DPP6: variants seen among roughly 807,000 people sequenced by gnomAD.
DPP6 encodes A-type potassium channel modulatory protein DPP6.
A neutral mutation model predicts 122.6 loss-of-function variants in DPP6; 69 were observed. That is an observed-to-expected ratio of 0.56 (90% CI 0.46 to 0.69). The LOEUF (loss-of-function observed/expected upper bound fraction) is 0.69. Among genes scored for constraint, DPP6 ranks in the 30% least tolerant of loss-of-function variants. The pLI, the probability that DPP6 is intolerant of heterozygous loss-of-function variation, is 0.00. For missense variants in DPP6, 928 were observed against 1,116.9 expected, an observed-to-expected ratio of 0.83 and a Z score of 2.41; for synonymous variants, 418 against 433.1, an observed-to-expected ratio of 0.97 and a Z score of 0.43.
At chr7:153,934,362 G>A (rs528453306) in intron 1 of DPP6, among the ~76,000 whole-genome samples, 27 of 151,990 alleles carry the variant, frequency 1.8e-4, no homozygotes, top group African/African-American at 6.0e-4. Flanking sequence ...CATCAAGGCT[G>A]TTCTTGTTTA....
At chr7:154,467,025 A>G (rs1821845378) in intron 2 of DPP6, among the ~76,000 whole-genome samples, 1 of 152,218 alleles carries the variant, frequency 6.6e-6, no homozygotes, top group South Asian at 2.1e-4. Flanking sequence ...TAAACACAGT[A>G]GTGGGACGGG....
rs756517831 is a variant in DPP6, at chr7:154,821,653, T to TACAC, written c.1666+14542_1666+14543insCACA. On this transcript the variant is annotated intron_variant, in intron 16 of 25. Transcript: ENST00000377770. This position sits in a 1 kb window ranked among gnomAD's most constrained non-coding sequence, Gnocchi z 4.2. Reference sequence around the variant, plus strand: ...GTATATATATATATATATACACATATATATATATATACACATATATATATA... The same window carrying TACAC: ...GTATATATATATATATATACACATATACACATATATATATACACATATATATATA... 0.4 allele frequency among the ~76,000 whole-genome samples: 43,260 copies of TACAC among 106,830 alleles called. 7,631 individuals carry two copies. The highest frequency in any genetic ancestry group is 0.51 in the Admixed American group (5,950 of 11,672). The allele number at this position is 106,830 out of a possible 152,430, so 70.1% of individuals were successfully genotyped here.
chr7:153,845,244 G>A, the DPP6 span, among the ~76,000 whole-genome samples: 2 of 152,010 alleles, frequency 1.3e-5, no homozygotes, highest in African/African-American at 4.8e-5. Context: ...AATAATTATA[G>A]TAGTTTTTTC....
rs1799842551 is a variant in DPP6 at position 154,043,081 on chromosome 7, A to G, written c.51+155347A>G. Among the ~76,000 whole-genome samples the G allele has an allele frequency of 3.3e-5, 5 of 152,212 alleles. No individual in the cohort carries two copies. The South Asian group carries it at 1.0e-3, about 32-fold the overall frequency. ...GGTGGACTTAATAAAATGTAGATAT[A>G]ATCAGTAGATTAAAAGTGAGTACTG... On this transcript the variant is annotated intron_variant, in intron 1 of 25. Coordinates refer to the DPP6 transcript ENST00000404039.
intron 5 of DPP6, among the ~76,000 whole-genome samples, chr7:154,615,399 A>G (rs1834174119): frequency 6.6e-6 from 1 of 152,168 alleles, no homozygotes; most frequent in Non-Finnish European, 1.5e-5. Context: ...GTTTTTATTC[A>G]CCGTACAATA....
chr7:154,783,689 C>G (rs1299964269), intron 10 of DPP6, among the ~76,000 whole-genome samples: 1 of 152,222 alleles, frequency 6.6e-6, no homozygotes, highest in African/African-American at 2.4e-5. Flanking sequence ...CCTCGAGAGA[C>G]AGTCTTACTC....
At chr7:154,423,010 T>C (rs1466163449) in intron 1 of DPP6, among the ~76,000 whole-genome samples, 1 of 152,202 alleles carries the variant, frequency 6.6e-6, no homozygotes, top group Non-Finnish European at 1.5e-5. Context: ...CTGATGGTTC[T>C]CGGCTTGTTG....
chr7:154,766,854 C>T (rs1481949925), intron 8 of DPP6, among the ~76,000 whole-genome samples: 3 of 152,142 alleles, frequency 2.0e-5, no homozygotes, highest in South Asian at 2.1e-4. Flanking sequence ...GGTCAGAGAG[C>T]GAGTCTAGAA....
At chr7:154,082,858 T>C (rs1301761019) in intron 1 of DPP6, among the ~76,000 whole-genome samples, 1 of 144,190 alleles carries the variant, frequency 6.9e-6, no homozygotes, top group African/African-American at 2.6e-5. Context: ...TTTTTTTTTT[T>C]TTTTTTTTGA....
In DPP6 at chr7:154,794,311, C is replaced by G. The variant is rs558937533; in HGVS notation, c.1260+109C>G. On this transcript the variant is annotated intron_variant, in intron 11 of 25. Transcript: ENST00000377770. The stretch of plus-strand genomic sequence containing the variant: ...GCCCTCGGGCCTGGGACTTGGGGAC[C>G]GGCCGCCCAGCTGCTGCGGGGAGCC... The G allele has an allele frequency of 8.8e-6, 12 of 1,371,318 alleles. No individual in the cohort carries two copies. The African/African-American group carries it at 1.4e-4, about 15-fold the overall frequency. 84.9% of individuals were successfully genotyped at this position (1,371,318 alleles called of 1,614,324 possible).
intron 8 of DPP6, among the ~76,000 whole-genome samples, chr7:154,731,388 T>A (rs1170597297): frequency 1.3e-5 from 2 of 152,202 alleles, no homozygotes; most frequent in African/African-American, 4.8e-5. Context: ...ATACTAAACA[T>A]TGCAAAATAT....
intron 8 of DPP6, among the ~76,000 whole-genome samples, chr7:154,737,449 T>C (rs976549957): frequency 6.6e-6 from 1 of 152,244 alleles, no homozygotes; most frequent in Non-Finnish European, 1.5e-5. Flanking sequence ...ATAGTTGATA[T>C]GCTGTATTTT....
intron 6 of DPP6, among the ~76,000 whole-genome samples, chr7:154,651,845 C>T (rs1335358962): frequency 1.3e-5 from 2 of 152,154 alleles, no homozygotes; most frequent in African/African-American, 4.8e-5. Context: ...CCCACAGCCC[C>T]AGGATGCTGG....
chr7:154,848,379 T>C (rs569221897), intron 16 of DPP6, among the ~76,000 whole-genome samples: 1 of 152,334 alleles, frequency 6.6e-6, no homozygotes, highest in East Asian at 1.9e-4. Context: ...AGGTGTGAGA[T>C]GATATCTTAT....
At chr7:154,715,109 C>G (rs989090910) in intron 7 of DPP6, among the ~76,000 whole-genome samples, 4 of 151,510 alleles carry the variant, frequency 2.6e-5, no homozygotes, top group African/African-American at 9.7e-5. Context: ...TCTTGTTGCC[C>G]AGGCTGGAGT....
chr7:154,876,385 G>A (rs1044433431), intron 20 of DPP6: 8 of 395,264 alleles, frequency 2.0e-5, no homozygotes, highest in South Asian at 2.0e-4. Context: ...GCTTTTCTGC[G>A]CTGTGGTCAC....
intron 7 of DPP6, among the ~76,000 whole-genome samples, chr7:154,720,960 G>A (rs898519169): frequency 4.6e-5 from 7 of 152,310 alleles, no homozygotes; most frequent in Admixed American, 1.3e-4. Flanking sequence ...AGCTGCTGAC[G>A]CAGCTGCCAT....
chr7:153,833,078 T>C, the DPP6 span, among the ~76,000 whole-genome samples: 3 of 152,244 alleles, frequency 2.0e-5, no homozygotes, highest in Non-Finnish European at 4.4e-5. Context: ...TTTAGAGATT[T>C]GGGCTACATG....
chr7:154,488,582 C>G (rs1234574680), intron 3 of DPP6, among the ~76,000 whole-genome samples: 1 of 151,750 alleles, frequency 6.6e-6, no homozygotes, highest in African/African-American at 2.4e-5. Context: ...TAGATGTGTT[C>G]TCCATCGTAA....
Sources: allele counts gnomAD v4.1 joint callset (sites outside exome capture counted in the v4.1 genomes callset), GRCh38; gene constraint gnomAD v4.1.1; non-coding constraint Gnocchi (gnomAD v3.1); transcripts MANE v1.5; gene names NCBI Gene and HGNC (gene_info 2026-07-23, HGNC 2026-07-21).